The following MED12L variants were observed in gnomAD, a reference collection of about 807,000 sequenced individuals.
The protein encoded by MED12L is mediator complex subunit 12L, also known as mediator of RNA polymerase II transcription subunit 12-like protein.
In MED12L, 60 loss-of-function variants were observed where a neutral mutation model predicts 281.3. That is an observed-to-expected ratio of 0.21 (90% CI 0.17 to 0.26). The LOEUF (loss-of-function observed/expected upper bound fraction) is 0.26. Among genes scored for constraint, MED12L ranks in the 10% least tolerant of loss-of-function variants. The pLI is 1.00. For synonymous variants in MED12L, 974 were observed against 987.2 expected, an observed-to-expected ratio of 0.99 and a Z score of 0.25; for missense variants, 2,146 against 2,680.9, an observed-to-expected ratio of 0.80 and a Z score of 4.41.
intron 44 of MED12L, 53 bp from the exon 45 acceptor site, chr3:151,432,699 C>T (rs1186371136): frequency 5.3e-6 from 7 of 1,333,144 alleles, no homozygotes; most frequent in African/African-American, 1.4e-5. Context: ...TAGCATCCAT[C>T]TGTGCAATAG....
intron 3 of MED12L, among the ~76,000 whole-genome samples, chr3:151,119,118 G>A (rs565971367): frequency 2.0e-5 from 3 of 152,334 alleles, no homozygotes; most frequent in East Asian, 3.9e-4. Context: ...GATGATGTAT[G>A]TGCTGTAATT....
At chr3:151,089,860 ATCCTTGAGACCTCC>A (rs1719796157) in intron 2 of MED12L, among the ~76,000 whole-genome samples, 2 of 152,180 alleles carry the variant, frequency 1.3e-5, no homozygotes, top group Non-Finnish European at 2.9e-5. Context: ...ACTGGCAGTC[ATCCTTGAGACCTCC>A]TCCTTGCTTA....
chr3:151,271,514 A>G (rs1740943115), intron 16 of MED12L, among the ~76,000 whole-genome samples: 1 of 152,204 alleles, frequency 6.6e-6, no homozygotes, highest in Non-Finnish European at 1.5e-5. Flanking sequence ...TTTACCCAGG[A>G]GAAGTGAAAG....
At chr3:151,087,053 A>T (rs1719326492) in intron 2 of MED12L, 28 bp downstream of exon 2, 1 of 1,563,658 alleles carries the variant, frequency 6.4e-7, no homozygotes, top group South Asian at 1.1e-5. Context: ...CTCCCCGGCA[A>T]CCGGGGCCGC....
chr3:151,256,174 G>C (rs1737780371), intron 16 of MED12L, among the ~76,000 whole-genome samples: 1 of 152,156 alleles, frequency 6.6e-6, no homozygotes, highest in African/African-American at 2.4e-5. Flanking sequence ...TTATAGGAAG[G>C]CTCTTTTAGA....
Position 151,411,390 on chromosome 3 carries a change from C to T in MED12L, c.6023C>T (p.Pro2008Leu), listed in dbSNP as rs1416644505. Residue 2008 changes from proline (P) to leucine (L), a missense_variant, in exon 41 of 45, where the codon CCG becomes CTG. Around this residue, in one of 9 missense-constraint regions of MED12L, gnomAD observed 496 missense variants for 512.0 expected, o/e 0.97. Transcript: ENST00000687756. ...CCCAGCTATAACTCCAGAGCCTATCCGGCCGCACATTCCAACCCCGTGCTA... is the reference window on the plus strand; with the variant it reads ...CCCAGCTATAACTCCAGAGCCTATCTGGCCGCACATTCCAACCCCGTGCTA... The part of the protein sequence containing the change: ...LSPSYNSRAY[P>L]AAHSNPVLME... 7 of 1,614,144 alleles carry T rather than the reference C, an allele frequency of 4.3e-6. No homozygotes were observed. The highest frequency in any genetic ancestry group is 1.6e-4 in the Middle Eastern group (1 of 6,062).
chr3:151,211,824 T>C (rs1248428111), intron 16 of MED12L, among the ~76,000 whole-genome samples: 1 of 152,204 alleles, frequency 6.6e-6, no homozygotes, highest in East Asian at 1.9e-4. Flanking sequence ...ATTATATTTT[T>C]TTGTAGAGAC....
At chr3:151,163,075 T>A (rs1720207515) in intron 8 of MED12L, among the ~76,000 whole-genome samples, 1 of 152,236 alleles carries the variant, frequency 6.6e-6, no homozygotes, top group African/African-American at 2.4e-5. Context: ...GTTCTGAGCA[T>A]GTGTGCTATT....
chr3:151,330,738 G>T (rs1312796573), intron 16 of MED12L, among the ~76,000 whole-genome samples: 3 of 152,126 alleles, frequency 2.0e-5, no homozygotes, highest in African/African-American at 7.2e-5. Flanking sequence ...TAATAGTTTT[G>T]ATTAGACTAC....
At chr3:151,269,110 C>T (rs547549855) in intron 16 of MED12L, among the ~76,000 whole-genome samples, 5 of 152,134 alleles carry the variant, frequency 3.3e-5, no homozygotes, top group South Asian at 4.2e-4. Flanking sequence ...ATATTGACGA[C>T]GTACAAAAGG....
chr3:151,237,348 T>TCC (rs1272700936), intron 16 of MED12L, among the ~76,000 whole-genome samples: 17 of 70,162 alleles, frequency 2.4e-4, no homozygotes, highest in Non-Finnish European at 3.6e-4. Context: ...TTTTTTTTTT[T>TCC]TCTTTTTTTT....
At chr3:151,359,172 A>AT (rs1274060750) in intron 20 of MED12L, among the ~76,000 whole-genome samples, 2 of 152,070 alleles carry the variant, frequency 1.3e-5, no homozygotes, top group African/African-American at 4.8e-5. Flanking sequence ...TACAGTGAGA[A>AT]TATGTGCTTG....
chr3:151,105,799 G>A (rs1176110962), intron 2 of MED12L, among the ~76,000 whole-genome samples: 1 of 152,092 alleles, frequency 6.6e-6, no homozygotes, highest in Non-Finnish European at 1.5e-5. Flanking sequence ...ATAGCTGAGT[G>A]CCTACTAGAA....
chr3:151,194,657 C>A (rs867309032), intron 16 of MED12L, among the ~76,000 whole-genome samples: 1 of 152,098 alleles, frequency 6.6e-6, no homozygotes, highest in Non-Finnish European at 1.5e-5. Flanking sequence ...ATGGGAAATG[C>A]TTGGCAGGAA....
intron 16 of MED12L, chr3:151,219,508 T>C (rs936044524): frequency 6.6e-6 from 1 of 152,216 alleles, no homozygotes; most frequent in African/African-American, 2.4e-5. Context: ...AAGCTCTTGA[T>C]AATACTTGAG....
At chr3:151,223,082 A>T (rs964985407) in intron 16 of MED12L, among the ~76,000 whole-genome samples, 24 of 152,054 alleles carry the variant, frequency 1.6e-4, no homozygotes, top group African/African-American at 5.8e-4. Flanking sequence ...TGCATGGAGT[A>T]ATAATCTCAG....
chr3:151,362,128 C>G (rs553478876), intron 21 of MED12L, among the ~76,000 whole-genome samples: 1 of 152,040 alleles, frequency 6.6e-6, no homozygotes. Context: ...ATTCTTCACC[C>G]TCTCTTTACC....
chr3:151,130,834 A>G (rs1715284598), intron 5 of MED12L, among the ~76,000 whole-genome samples: 1 of 152,154 alleles, frequency 6.6e-6, no homozygotes, highest in South Asian at 2.1e-4. Context: ...TCTTAACACC[A>G]TCTGATGTTA....
rs771092834 is a variant in MED12L at position 151,394,694 on chromosome 3, A to G, written c.5647A>G (p.Thr1883Ala). 263 of 1,614,148 alleles carry G rather than the reference A, an allele frequency of 1.6e-4. No individual in the cohort carries two copies. The highest frequency in any genetic ancestry group is 2.2e-4 in the Non-Finnish European group (255 of 1,180,056). Residue 1883 changes from threonine to alanine, a missense_variant, in exon 39 of 45, where the codon ACC becomes GCC. Thr to Ala is a moderately conservative substitution (Grantham distance 58). Around this residue, in one of 9 missense-constraint regions of MED12L, gnomAD observed 496 missense variants for 512.0 expected, o/e 0.97. Coordinates refer to ENST00000687756, the MANE Select transcript of MED12L (RefSeq NM_001393769.1). Reference sequence around the variant, plus strand: ...GGACCCTGCAGGCTCCTTTGTCCCAACCAACACCAAACAAGCTCTGTCAAA... The same window carrying G: ...GGACCCTGCAGGCTCCTTTGTCCCAGCCAACACCAAACAAGCTCTGTCAAA... ...RLDPAGSFVP[T>A]NTKQALSNML...
Sources: allele counts gnomAD v4.1 joint callset (sites outside exome capture counted in the v4.1 genomes callset), GRCh38; gene constraint gnomAD v4.1.1; regional missense constraint gnomAD v4.1.1; transcripts MANE v1.5; gene names NCBI Gene and HGNC (gene_info 2026-07-23, HGNC 2026-07-21).